Variants in NTNG1 observed in about 807,000 individuals in gnomAD.
The protein encoded by NTNG1 is netrin-G1.
A neutral mutation model predicts 54.0 loss-of-function variants in NTNG1; 16 were observed. That is an observed-to-expected ratio of 0.30 (90% CI 0.20 to 0.45). NTNG1 has a LOEUF of 0.45. Among genes scored for constraint, NTNG1 ranks in the 20% least tolerant of loss-of-function variants. The pLI, the probability that NTNG1 is intolerant of heterozygous loss-of-function variation, is 1.00. For synonymous variants in NTNG1, 255 were observed against 263.1 expected (o/e 0.97, Z 0.30); for missense variants, 530 against 678.7 (o/e 0.78, Z 2.43).
chr1:107,341,373 T>C (rs1482982359), intron 3 of NTNG1, among the ~76,000 whole-genome samples: 1 of 152,052 alleles, frequency 6.6e-6, no homozygotes, highest in Non-Finnish European at 1.5e-5. Flanking sequence ...CCTCAGCAGC[T>C]TAAATTTATC....
chr1:107,285,822 C>T (rs1467251785), intron 2 of NTNG1, among the ~76,000 whole-genome samples: 1 of 152,150 alleles, frequency 6.6e-6, no homozygotes, highest in Admixed American at 6.6e-5. Context: ...CCCAGCAGTA[C>T]ATTTCAAAGA....
chr1:107,411,447 C>T (rs150165386), intron 5 of NTNG1, among the ~76,000 whole-genome samples: 2 of 152,280 alleles, frequency 1.3e-5, no homozygotes, highest in South Asian at 4.1e-4. Flanking sequence ...GTTTTCCATA[C>T]AGCATCCAAA....
chr1:107,477,090 T>G (rs688239), intron 7 of NTNG1, among the ~76,000 whole-genome samples: 140,386 of 152,248 alleles, frequency 0.92, 64,963 homozygotes, highest in East Asian at 1. Flanking sequence ...GAAAGAGGAT[T>G]GAGTTATCAG....
chr1:107,390,901 T>C (rs1304641081), intron 3 of NTNG1, among the ~76,000 whole-genome samples: 1 of 152,130 alleles, frequency 6.6e-6, no homozygotes, highest in Non-Finnish European at 1.5e-5. Flanking sequence ...GCAAAGATGC[T>C]ATGGGTTTTA....
intron 1 of NTNG1, among the ~76,000 whole-genome samples, chr1:107,141,674 C>T (rs1036551899): frequency 2.0e-5 from 3 of 152,068 alleles, no homozygotes; most frequent in Non-Finnish European, 4.4e-5. Flanking sequence ...ACGCTCACAC[C>T]CACACACAAG....
At chr1:107,313,840 A>C (rs569208707) in intron 2 of NTNG1, among the ~76,000 whole-genome samples, 232 of 152,244 alleles carry the variant, frequency 1.5e-3, no homozygotes, top group African/African-American at 5.0e-3. Flanking sequence ...ATTCTTTTAT[A>C]ATTCTTTTAA....
chr1:107,351,075 G>A (rs1006514063), intron 3 of NTNG1, among the ~76,000 whole-genome samples: 8 of 152,190 alleles, frequency 5.3e-5, no homozygotes, highest in Non-Finnish European at 1.2e-4. Context: ...GTTTATACAT[G>A]TCAAATTATC....
At position 107,479,791 on chromosome 1, in the gene NTNG1, T is replaced by C. The variant is rs189679915; in HGVS notation, c.1391-820T>C. Among the ~76,000 whole-genome samples, 89 of 152,288 alleles carry C rather than the reference T, an allele frequency of 5.8e-4. No individual in the cohort carries two copies. The Middle Eastern group carries it at 0.014, about 23-fold the overall frequency. Reference sequence around the variant, plus strand: ...TACATGACAGGGTCTGTGAATGAATTCTAGTCTCTGAAGTTGCTTGTCTTG... The same window carrying C: ...TACATGACAGGGTCTGTGAATGAATCCTAGTCTCTGAAGTTGCTTGTCTTG... On this transcript the variant is annotated intron_variant, in intron 7 of 7. Transcript: ENST00000370068.
At chr1:107,314,097 T>C (rs1188325450) in intron 2 of NTNG1, among the ~76,000 whole-genome samples, 3 of 152,104 alleles carry the variant, frequency 2.0e-5, no homozygotes, top group Non-Finnish European at 2.9e-5. Context: ...AATCCTCCCA[T>C]TCAAATCTGC....
At chr1:107,272,161 T>C (rs1054419866) in intron 2 of NTNG1, among the ~76,000 whole-genome samples, 13 of 152,170 alleles carry the variant, frequency 8.5e-5, no homozygotes, top group African/African-American at 2.9e-4. Flanking sequence ...GCTCAGTTAG[T>C]TATCATCAAT....
At chr1:107,282,406 A>G (rs747606457) in intron 2 of NTNG1, among the ~76,000 whole-genome samples, 1 of 152,122 alleles carries the variant, frequency 6.6e-6, no homozygotes. Flanking sequence ...TAGTGAATTT[A>G]CTATATCAAT....
chr1:107,379,285 G>A (rs969186835), intron 3 of NTNG1, among the ~76,000 whole-genome samples: 8 of 152,258 alleles, frequency 5.3e-5, no homozygotes, highest in East Asian at 1.9e-4. Flanking sequence ...AGCACATGTC[G>A]CTTCATTTCT....
At chr1:107,166,331 A>G (rs1655790480) in intron 2 of NTNG1, among the ~76,000 whole-genome samples, 1 of 152,196 alleles carries the variant, frequency 6.6e-6, no homozygotes, top group South Asian at 2.1e-4. Context: ...AAATGTTACC[A>G]TTGTGCTGTC....
At chr1:107,295,482 G>A (rs375196660) in intron 2 of NTNG1, among the ~76,000 whole-genome samples, 95 of 152,284 alleles carry the variant, frequency 6.2e-4, no homozygotes, top group African/African-American at 2.2e-3. Flanking sequence ...GACACCCAAA[G>A]AGAACAATGG....
intron 3 of NTNG1, among the ~76,000 whole-genome samples, chr1:107,354,295 C>G (rs1669807271): frequency 6.6e-6 from 1 of 151,376 alleles, no homozygotes; most frequent in Admixed American, 6.6e-5. Context: ...ATGGTGACAC[C>G]CTGTCTCTAC....
intron 2 of NTNG1, among the ~76,000 whole-genome samples, chr1:107,264,327 C>T (rs1663587032): frequency 6.6e-6 from 1 of 152,124 alleles, no homozygotes; most frequent in East Asian, 1.9e-4. Context: ...TGGAGGTTGA[C>T]ACACTCCCTG....
chr1:107,337,244 G>A (rs1486847065), intron 3 of NTNG1, among the ~76,000 whole-genome samples: 1 of 151,990 alleles, frequency 6.6e-6, no homozygotes, highest in Non-Finnish European at 1.5e-5. Flanking sequence ...AAACCAAAAT[G>A]TGGCATATAC....
intron 2 of NTNG1, among the ~76,000 whole-genome samples, chr1:107,295,664 C>T (rs1446983017): frequency 1.3e-5 from 2 of 151,752 alleles, no homozygotes; most frequent in East Asian, 3.9e-4. Context: ...ACATAGAGAA[C>T]CAGGGATATA....
chr1:107,361,864 T>G (rs1670320819), intron 3 of NTNG1, among the ~76,000 whole-genome samples: 1 of 152,180 alleles, frequency 6.6e-6, no homozygotes, highest in African/African-American at 2.4e-5. Flanking sequence ...GATCACTTCA[T>G]AATTGTAACA....
Sources: allele counts gnomAD v4.1 joint callset (sites outside exome capture counted in the v4.1 genomes callset), GRCh38; gene constraint gnomAD v4.1.1; transcripts MANE v1.5; gene names NCBI Gene and HGNC (gene_info 2026-07-23, HGNC 2026-07-21).